SHROOM4: variants seen among roughly 807,000 people sequenced by gnomAD.
The protein encoded by SHROOM4 is protein Shroom4.
In SHROOM4, 17 loss-of-function variants were observed where a neutral mutation model predicts 80.3. That is an observed-to-expected ratio of 0.21 (90% CI 0.14 to 0.32). The LOEUF is 0.32. SHROOM4 is among the 10% of genes least tolerant of loss of function. The pLI is 1.00. For missense variants in SHROOM4, 993 were observed against 1,140.3 expected, an observed-to-expected ratio of 0.87 and a Z score of 1.86; for synonymous variants, 400 against 437.5, an observed-to-expected ratio of 0.91 and a Z score of 1.07.
chrX:50,633,395 T>C lies in SHROOM4; in HGVS notation c.2678A>G (p.Gln893Arg). The C allele has an allele frequency of 8.3e-7, 1 of 1,212,068 alleles. No individual in the cohort carries two copies. The highest frequency in any genetic ancestry group is 1.1e-6 in the Non-Finnish European group (1 of 895,517). Reference protein sequence around the residue: ...HRTCSYSCSVQGALVHDPCIY... With the variant: ...HRTCSYSCSVRGALVHDPCIY... ...GCAAGGATCATGGACTAGAGCTCCTTGAACACTGCAGGAGTAAGAGCAGGT... is the reference window on the plus strand; with the variant it reads ...GCAAGGATCATGGACTAGAGCTCCTCGAACACTGCAGGAGTAAGAGCAGGT... Residue 893 changes from glutamine (Q) to arginine (R), a missense_variant, in exon 4 of 9, where the codon CAA becomes CGA. Gln to Arg is a conservative substitution (Grantham distance 43). Coordinates refer to ENST00000376020, the MANE Select transcript of SHROOM4 (RefSeq NM_020717.5).
At chrX:50,781,964 T>C (rs1935635948) in intron 1 of SHROOM4, among the ~76,000 whole-genome samples, 1 of 111,595 alleles carries the variant, frequency 9.0e-6, no homozygotes, top group Admixed American at 9.5e-5. Flanking sequence ...ATCCCAGCAC[T>C]TTGGGAGGCC....
At chrX:50,788,949 T>C (rs1372128949) in intron 1 of SHROOM4, among the ~76,000 whole-genome samples, 1 of 111,600 alleles carries the variant, frequency 9.0e-6, no homozygotes, top group African/African-American at 3.3e-5. Flanking sequence ...AAAGGCCAAT[T>C]CACAGGATGA....
At chrX:50,627,729 A>T in intron 4 of SHROOM4, 54 bp from the exon 5 acceptor site, 1 of 1,034,457 alleles carries the variant, frequency 9.7e-7, no homozygotes, top group East Asian at 3.0e-5. Flanking sequence ...AGGTATCTAG[A>T]TGGCCTCAAA....
At chrX:50,810,909 G>A (rs1557273386) in intron 1 of SHROOM4, among the ~76,000 whole-genome samples, 2 of 112,009 alleles carry the variant, frequency 1.8e-5, no homozygotes, top group East Asian at 5.6e-4. Context: ...TGAAATAAAG[G>A]ATGAGGAAGC....
At position 50,594,537 on chromosome X, in the gene SHROOM4, T is replaced by G. The variant is rs1929014979; in HGVS notation, c.*2158A>C. 1 of 111,638 alleles carries G rather than the reference T, an allele frequency of 9.0e-6. No individual in the cohort carries two copies. The highest frequency in any genetic ancestry group is 9.5e-5 in the Admixed American group (1 of 10,557). 9.2% of individuals were successfully genotyped at this position (111,638 alleles called of 1,213,427 possible). A position where few individuals can be genotyped will look rare whatever the true frequency, so the allele number is the denominator to read the frequency against. On this transcript the variant is annotated 3_prime_UTR_variant, in exon 9 of 9. Transcript: ENST00000376020. ...GAAAAACTCAAGACTATGGCCATAGTGTCCAGGTAAGTGACCGTTCTTTTC... is the reference window on the plus strand; with the variant it reads ...GAAAAACTCAAGACTATGGCCATAGGGTCCAGGTAAGTGACCGTTCTTTTC...
chrX:50,759,885 T>C (rs782772010), intron 1 of SHROOM4, among the ~76,000 whole-genome samples: 1 of 112,138 alleles, frequency 8.9e-6, no homozygotes, highest in African/African-American at 3.2e-5. Flanking sequence ...CCATCTGTTG[T>C]TGACTTCTAA....
At chrX:50,804,290 G>A (rs1213747119) in intron 1 of SHROOM4, among the ~76,000 whole-genome samples, 10 of 111,938 alleles carry the variant, frequency 8.9e-5, no homozygotes, top group African/African-American at 2.6e-4. Flanking sequence ...CACAAATGAA[G>A]AGTGGCAGAG....
chrX:50,704,013 G>C (rs1238861526), intron 1 of SHROOM4, among the ~76,000 whole-genome samples: 1 of 111,554 alleles, frequency 9.0e-6, no homozygotes, highest in Non-Finnish European at 1.9e-5. Flanking sequence ...GAGTGCAAGT[G>C]AATTTGCTCC....
chrX:50,622,619 G>A (rs1375987267), intron 5 of SHROOM4, among the ~76,000 whole-genome samples: 2 of 111,990 alleles, frequency 1.8e-5, no homozygotes, highest in Admixed American at 9.4e-5. Flanking sequence ...ATACACATTT[G>A]ATTTTTCCAC....
At position 50,596,709 on chromosome X, in the gene SHROOM4, G is replaced by A. The variant is rs782602103; in HGVS notation, c.4468C>T (p.Pro1490Ser). ...TGCTGGTAGAATTAGAAATTGCTGG[G>A]CCCCAGGAGTAGACTCTCCCTGAGA... ...KCLRESLLLG[P>S]SNF is the part of the protein sequence containing the mutation. The change falls in exon 9 of 9, where the codon CCC becomes TCC. Residue 1490 changes from proline to serine, a missense_variant. Coordinates refer to ENST00000376020, the MANE Select transcript of SHROOM4 (RefSeq NM_020717.5). 5.0e-5 allele frequency: 61 copies of A among 1,210,625 alleles called. No homozygotes were observed. The highest frequency in any genetic ancestry group is 5.8e-5 in the Non-Finnish European group (52 of 895,578).
chrX:50,668,397 G>A (rs1284384963), intron 2 of SHROOM4, among the ~76,000 whole-genome samples: 5 of 111,458 alleles, frequency 4.5e-5, no homozygotes, highest in South Asian at 3.9e-4. Flanking sequence ...CCCTCCTCAG[G>A]TGTCAATAGA....
At chrX:50,734,772 A>G (rs1222726125) in intron 1 of SHROOM4, among the ~76,000 whole-genome samples, 1 of 111,060 alleles carries the variant, frequency 9.0e-6, no homozygotes, top group East Asian at 2.8e-4. Flanking sequence ...GAGGGACCCC[A>G]TGGGAGATAA....
chrX:50,762,750 G>A (rs781961229), intron 1 of SHROOM4, among the ~76,000 whole-genome samples: 1 of 111,810 alleles, frequency 8.9e-6, no homozygotes, highest in East Asian at 2.8e-4. Context: ...TTTCTGATGA[G>A]AAGTCAGCTA....
intron 2 of SHROOM4, among the ~76,000 whole-genome samples, chrX:50,676,573 T>C (rs1437158513): frequency 9.0e-6 from 1 of 111,419 alleles, no homozygotes; most frequent in Non-Finnish European, 1.9e-5. Context: ...TCACAAAGCC[T>C]TCACTTGAAT....
At chrX:50,751,999 T>A (rs1369836862) in intron 1 of SHROOM4, among the ~76,000 whole-genome samples, 1 of 112,376 alleles carries the variant, frequency 8.9e-6, no homozygotes, top group African/African-American at 3.2e-5. Flanking sequence ...GAAAGTTACT[T>A]TCCCCTTTCC....
At chrX:50,718,829 A>G (rs1173388308) in intron 1 of SHROOM4, among the ~76,000 whole-genome samples, 3 of 111,671 alleles carry the variant, frequency 2.7e-5, no homozygotes, top group Non-Finnish European at 5.6e-5. Context: ...TTGGTTCCTA[A>G]GAATTCTCCC....
At chrX:50,792,477 G>A (rs1326327482) in intron 1 of SHROOM4, among the ~76,000 whole-genome samples, 9 of 108,878 alleles carry the variant, frequency 8.3e-5, no homozygotes, top group African/African-American at 3.0e-4. Flanking sequence ...CTGCACTCCA[G>A]TCTGGGTGAC....
chrX:50,700,524 G>T (rs1200158264), intron 1 of SHROOM4, among the ~76,000 whole-genome samples: 1 of 111,694 alleles, frequency 9.0e-6, no homozygotes, highest in African/African-American at 3.3e-5. Flanking sequence ...CACAGGTTGG[G>T]GGCTGTTTCT....
At chrX:50,582,305 T>G (rs1358036109), downstream of SHROOM4, among the ~76,000 whole-genome samples, 1 of 111,793 alleles carries the variant, frequency 8.9e-6, no homozygotes, top group Admixed American at 9.5e-5. Flanking sequence ...GATTGCAGTC[T>G]TACAGAGGAC....
Sources: gnomAD v4.1 joint callset for allele counts (sites outside exome capture counted in the v4.1 genomes callset) on GRCh38, gnomAD v4.1.1 for gene constraint, MANE v1.5 for transcripts, NCBI Gene and HGNC (gene_info 2026-07-23, HGNC 2026-07-21) for gene names.